The following SHC2 variants were observed in gnomAD, a reference collection of about 807,000 sequenced individuals.
SHC2 encodes SHC-transforming protein 2.
In SHC2, 62 loss-of-function variants were observed where a neutral mutation model predicts 60.6. The ratio of observed to expected loss-of-function variants is 1.02; its 90% confidence interval spans 0.83 to 1.26. SHC2 has a LOEUF of 1.26. Among genes scored for constraint, SHC2 ranks in the 50% most tolerant of loss-of-function variants. SHC2 has a pLI of 0.00. For synonymous variants in SHC2, 375 were observed against 372.4 expected (o/e 1.01, Z -0.08); for missense variants, 873 against 822.2 (o/e 1.06, Z -0.76).
chr19:435,910 G>T (rs916609531), intron 7 of SHC2: 1 of 470,588 alleles, frequency 2.1e-6, no homozygotes, highest in East Asian at 3.5e-5. Context: ...TAGCAGCAGG[G>T]CTGACAGCCT....
At position 449,367 on chromosome 19, in the gene SHC2, G is replaced by C. The variant is rs556495577; in HGVS notation, c.469-8435C>G. Among the ~76,000 whole-genome samples, 12 of 148,616 alleles carry C rather than the reference G, an allele frequency of 8.1e-5. No individual in the cohort carries two copies. In the East Asian group the frequency reaches 2.4e-3, roughly 30 times the overall value. On this transcript the variant is annotated intron_variant, in intron 1 of 12. Coordinates refer to ENST00000264554, the MANE Select transcript of SHC2 (RefSeq NM_012435.3). ...AGAGCGAGATCCTGTCTCAAAAAAA[G>C]AAAAAAAAAGGCAGGATGGCTAAAT...
At chr19:447,391 G>C (rs1350600679) in intron 1 of SHC2, among the ~76,000 whole-genome samples, 1 of 152,244 alleles carries the variant, frequency 6.6e-6, no homozygotes, top group East Asian at 1.9e-4. Context: ...ACACGGGTGA[G>C]GGTTGCAGAA....
chr19:421,237 A>G (rs1233280123), intron 11 of SHC2, among the ~76,000 whole-genome samples: 2 of 150,970 alleles, frequency 1.3e-5, no homozygotes, highest in African/African-American at 4.9e-5. Flanking sequence ...TCTCCACTAA[A>G]AAAATATGAA....
chr19:443,812 G>A (rs1252720859), intron 1 of SHC2, among the ~76,000 whole-genome samples: 1 of 150,660 alleles, frequency 6.6e-6, no homozygotes, highest in Non-Finnish European at 1.5e-5. Context: ...ATGAATAGGT[G>A]GATGGATGGG....
Position 434,811 on chromosome 19 carries a change from G to A in SHC2, c.1008C>T (p.His336=). The stretch of plus-strand genomic sequence containing the variant: ...TCCCCGGGATGCTGTTGTAGTAATT[G>A]TGCTCCAAAGAGTCCTCCTCGTCCC... The part of the protein sequence containing the change: ...AWGDEEDSLE[H]NYYNSIPGKE... The change falls in exon 8 of 13, where the codon CAC becomes CAT. Residue 336 remains histidine (H), a synonymous_variant. Coordinates refer to ENST00000264554, the MANE Select transcript of SHC2 (RefSeq NM_012435.3). 6.2e-7 allele frequency: 1 copy of A among 1,612,896 alleles called. No homozygotes were observed. Among genetic ancestry groups the A allele is most frequent in the Non-Finnish European group, 8.5e-7 (1 of 1,179,810 alleles).
At chr19:439,069 G>T in intron 2 of SHC2, 39 bp from the exon 3 acceptor site, 1 of 1,478,504 alleles carries the variant, frequency 6.8e-7, no homozygotes, top group Non-Finnish European at 9.2e-7. Context: ...GTGTGGTGGG[G>T]GTGGCCATGG....
In SHC2 at chr19:460,636, C is replaced by A; in HGVS notation, c.361G>T (p.Ala121Ser). 7.7e-7 allele frequency: 1 copy of A among 1,297,346 alleles called. No homozygotes were observed. Among genetic ancestry groups the A allele is most frequent in the South Asian group, 2.0e-5 (1 of 51,258 alleles). The allele number at this position is 1,297,346 out of a possible 1,614,324, so 80.4% of individuals were successfully genotyped here. ...RGAAGSGDAA[A>S]AAEWIRKGSF... ...CCCTTCCGGATCCACTCGGCGGCGG[C>A]GGCGGCGTCCCCGGACCCCGCCGCC... The change falls in exon 1 of 13, where the codon GCC (alanine) becomes TCC (serine). Residue 121 changes from alanine to serine, a missense_variant. By Grantham distance (99) the Ala-to-Ser change is moderately conservative (BLOSUM62 1). Transcript: ENST00000264554.
At position 434,738 on chromosome 19, in the gene SHC2, G is replaced by A; in HGVS notation, c.1081C>T (p.Gln361Ter). Residue 361 changes from glutamine (Q) to a stop codon, truncating the protein, a stop_gained, in exon 8 of 13, where the codon CAG (glutamine) becomes TAG (stop). Coordinates refer to ENST00000264554, the MANE Select transcript of SHC2 (RefSeq NM_012435.3). LOFTEE classifies it high-confidence loss of function. ...TCGAGGGCCGTGAGGGCGCAGGGCT[G>A]TGTCAGGGCCAGCCTGGAGTCCACT... ...GLVDSRLALT[Q>*]PCALTALDQG... The A allele has an allele frequency of 6.2e-7, 1 of 1,612,296 alleles. No homozygotes were observed. The highest frequency in any genetic ancestry group is 8.5e-7 in the Non-Finnish European group (1 of 1,179,664).
At position 436,430 on chromosome 19, in the gene SHC2, T is replaced by C; in HGVS notation, c.776A>G (p.Asp259Gly). 1 of 1,602,456 alleles carries C rather than the reference T, an allele frequency of 6.2e-7. No homozygotes were observed. Among genetic ancestry groups the C allele is most frequent in the Non-Finnish European group, 8.5e-7 (1 of 1,174,090 alleles). ...GACGTAGGCCACGTAATCCGTCATG[T>C]CCTGGGGGCGGGGAGGGGCCAGCTG... ...SISFASGGDT[D>G]MTDYVAYVAK... Residue 259 changes from aspartate (D) to glycine (G), a missense_variant and splice_region_variant, in exon 6 of 13, where the codon GAC (aspartate) becomes GGC (glycine). Asp to Gly is a moderately conservative substitution (Grantham distance 94). Transcript: ENST00000264554.
chr19:437,051 G>A (rs959502760), intron 4 of SHC2, among the ~76,000 whole-genome samples: 13 of 151,664 alleles, frequency 8.6e-5, no homozygotes, highest in Admixed American at 3.3e-4. Context: ...ACACACACCC[G>A]AAGCAGCCAC....
chr19:423,773 G>A (rs1210668355), intron 10 of SHC2, among the ~76,000 whole-genome samples: 2 of 152,218 alleles, frequency 1.3e-5, no homozygotes, highest in Admixed American at 1.3e-4. Flanking sequence ...GTTTGGGGAC[G>A]AGCACGTGGC....
intron 2 of SHC2, among the ~76,000 whole-genome samples, chr19:439,909 C>T (rs1345515429): frequency 6.6e-6 from 1 of 151,454 alleles, no homozygotes; most frequent in African/African-American, 2.4e-5. Context: ...GCCTGTAGTC[C>T]CAGCTACTGG....
rs1974839613 is a variant in SHC2, at chr19:440,603, A to G, written c.539+259T>C. On this transcript the variant is annotated intron_variant, in intron 2 of 12. Coordinates refer to ENST00000264554, the MANE Select transcript of SHC2 (RefSeq NM_012435.3). This position sits in a 1 kb window ranked among gnomAD's most constrained non-coding sequence, Gnocchi z 7.0. ...GCCCTGCACCCCACGCCGTGCGGGG[A>G]CTTGCCCAGCACCCTGTGAGCGACC... Among the ~76,000 whole-genome samples the G allele has an allele frequency of 6.6e-6, 1 of 152,156 alleles. No individual in the cohort carries two copies. The highest frequency in any genetic ancestry group is 2.4e-5 in the African/African-American group (1 of 41,440).
At position 438,358 on chromosome 19, in the gene SHC2, T is replaced by C. The variant is rs542210515; in HGVS notation, c.720+360A>G. Among the ~76,000 whole-genome samples, 184 of 152,318 alleles carry C rather than the reference T, an allele frequency of 1.2e-3. No individual in the cohort carries two copies. The highest frequency in any genetic ancestry group is 4.2e-3 in the African/African-American group (176 of 41,562). ...TATACTTTTGTTGTTTGTTTCCACT[T>C]GAGGACTGATAGCCAGGGTTTATCC... On this transcript the variant is annotated intron_variant, in intron 4 of 12. Coordinates refer to ENST00000264554, the MANE Select transcript of SHC2 (RefSeq NM_012435.3). This position sits in a 1 kb window ranked among gnomAD's most constrained non-coding sequence, Gnocchi z 5.0.
chr19:418,806 CT>C (rs1974208286), intron 12 of SHC2, 116 bp downstream of exon 12: 1 of 1,192,914 alleles, frequency 8.4e-7, no homozygotes, highest in Non-Finnish European at 1.1e-6. Flanking sequence ...CTGAACACCC[CT>C]GAGTCGTGCC....
chr19:418,783 C>A (rs776551197), intron 12 of SHC2, 140 bp downstream of exon 12: 2 of 943,176 alleles, frequency 2.1e-6, no homozygotes, highest in Non-Finnish European at 1.5e-6. Context: ...GAGATGGTTG[C>A]ACGGCTCGGA....
chr19:423,737 C>T (rs970745800), intron 10 of SHC2, among the ~76,000 whole-genome samples: 1 of 152,244 alleles, frequency 6.6e-6, no homozygotes, highest in Non-Finnish European at 1.5e-5. Context: ...TCAGCATGTT[C>T]ACCTCCCCCT....
chr19:422,822 G>A lies in SHC2; in HGVS notation c.1310-366C>T, dbSNP rs561281316. On this transcript the variant is annotated intron_variant, in intron 10 of 12. Coordinates refer to ENST00000264554, the MANE Select transcript of SHC2 (RefSeq NM_012435.3). The surrounding 1 kb of genome is among the most constrained non-coding windows in gnomAD (Gnocchi z 5.0). ...CTTGTCTGGTCTTACTGCATTGGCC[G>A]CGGGGCCTCCAATGTGCCCTAAATA... 5 of 195,842 alleles carry A rather than the reference G, an allele frequency of 2.6e-5. No homozygotes were observed. Among genetic ancestry groups the A allele is most frequent in the South Asian group, 3.1e-4 (2 of 6,548 alleles). 12.1% of individuals were successfully genotyped at this position (195,842 alleles called of 1,614,324 possible). A position where few individuals can be genotyped will look rare whatever the true frequency, so the allele number is the denominator to read the frequency against.
chr19:421,655 T>A (rs1974276655), intron 11 of SHC2, among the ~76,000 whole-genome samples: 3 of 151,902 alleles, frequency 2.0e-5, no homozygotes. Context: ...ATGGATGAAA[T>A]CATAAGATTG....
Sources: allele counts gnomAD v4.1 joint callset (sites outside exome capture counted in the v4.1 genomes callset), GRCh38; gene constraint gnomAD v4.1.1; non-coding constraint Gnocchi (gnomAD v3.1); transcripts MANE v1.5; gene names NCBI Gene and HGNC (gene_info 2026-07-23, HGNC 2026-07-21).